SMG9: variants seen among roughly 807,000 people sequenced by gnomAD.
The protein encoded by SMG9 is nonsense-mediated mRNA decay factor SMG9.
Under a neutral mutation model 64.0 loss-of-function variants are expected in SMG9, and 55 were observed. That is an observed-to-expected ratio of 0.86 (90% CI 0.69 to 1.08). The LOEUF (loss-of-function observed/expected upper bound fraction) is 1.08, where lower values mean the gene tolerates loss of function less well. SMG9 is among the 50% of genes least tolerant of loss of function. The probability of loss-of-function intolerance (pLI) is 0.00; values close to 1 mark genes in which losing one functional copy is unlikely to be tolerated. For synonymous variants in SMG9, 244 were observed against 254.8 expected, an observed-to-expected ratio of 0.96 and a Z score of 0.41; for missense variants, 554 against 681.3, an observed-to-expected ratio of 0.81 and a Z score of 2.08.
At chr19:43,737,272 CAATAAATA>C (rs60683205) in intron 9 of SMG9, among the ~76,000 whole-genome samples, 12 of 149,218 alleles carry the variant, frequency 8.0e-5, no homozygotes, top group African/African-American at 2.2e-4. Flanking sequence ...GACTCCGTCT[CAATAAATA>C]AATAAATAAA....
At position 43,729,092 on chromosome 19, in the gene SMG9, C is replaced by T. The variant is rs981395085; in HGVS notation, c.*2504G>A. 14 of 954,196 alleles carry T rather than the reference C, an allele frequency of 1.5e-5. No homozygotes were observed. The highest frequency in any genetic ancestry group is 1.7e-5 in the Non-Finnish European group (14 of 801,416). The allele number at this position is 954,196 out of a possible 1,614,324, so 59.1% of individuals were successfully genotyped here. On this transcript the variant is annotated 3_prime_UTR_variant, in exon 14 of 14. Coordinates refer to ENST00000270066, the MANE Select transcript of SMG9 (RefSeq NM_019108.4). ...GGCGGGTGACCGGTACATACTTACC[C>T]ACTGTTCAGAAGGCTACTGCCAGTT...
In SMG9 at chr19:43,750,591, C is replaced by A; in HGVS notation, c.150+1G>T. On this transcript the variant is annotated splice_donor_variant, in intron 2 of 13. Transcript: ENST00000270066. LOFTEE classifies it high-confidence loss of function. ...TGCTGCTCCTGGGTCCAGACACTCA[C>A]CCTTCTCTCTCTTTCCCATGGTGCA... is the stretch of plus-strand genomic sequence containing the variant. 1.2e-6 allele frequency: 2 copies of A among 1,609,368 alleles called. No individual in the cohort carries two copies. The highest frequency in any genetic ancestry group is 1.7e-6 in the Non-Finnish European group (2 of 1,177,434).
chr19:43,753,269 C>T (rs544442396), intron 1 of SMG9, among the ~76,000 whole-genome samples: 1 of 152,166 alleles, frequency 6.6e-6, no homozygotes, highest in South Asian at 2.1e-4. Context: ...GGAGATTCTC[C>T]CCAGAATCTG....
intron 2 of SMG9, 53 bp from the exon 3 acceptor site, chr19:43,748,105 T>A: frequency 6.4e-7 from 1 of 1,555,974 alleles, no homozygotes; most frequent in Non-Finnish European, 8.7e-7. Context: ...ACATTCCAGA[T>A]CTTTATGTAC....
At chr19:43,748,136 G>T (rs933698959) in intron 2 of SMG9, 84 bp from the exon 3 acceptor site, 1 of 1,455,124 alleles carries the variant, frequency 6.9e-7, no homozygotes, top group Non-Finnish European at 9.3e-7. Context: ...TCTAAATGCC[G>T]AAATATATTA....
At chr19:43,734,577 T>G in intron 9 of SMG9, 82 bp from the exon 10 acceptor site, 1 of 872,126 alleles carries the variant, frequency 1.1e-6, no homozygotes, top group Middle Eastern at 2.2e-4. Flanking sequence ...TCCTTTGAGA[T>G]TCTGATGAAA....
Position 43,733,228 on chromosome 19 carries a change from G to A in SMG9, c.1339+96C>T, listed in dbSNP as rs1027497561. 6 of 1,521,834 alleles carry A rather than the reference G, an allele frequency of 3.9e-6. No homozygotes were observed. The African/African-American group carries it at 6.9e-5, about 18-fold the overall frequency. 94.3% of individuals were successfully genotyped at this position (1,521,834 alleles called of 1,614,324 possible). A position where few individuals can be genotyped will look rare whatever the true frequency, so the allele number is the denominator to read the frequency against. On this transcript the variant is annotated intron_variant, in intron 12 of 13. Transcript: ENST00000270066. ...AGGCTCCACACTGCTCCCAAACCAG[G>A]GCAACCCATGTCGCCTCCTAGACCA... is the stretch of plus-strand genomic sequence containing the variant.
chr19:43,737,252 G>A lies in SMG9; in HGVS notation c.995+345C>T, dbSNP rs369665838. Among the ~76,000 whole-genome samples, 1,316 of 151,552 alleles carry A rather than the reference G, an allele frequency of 8.7e-3. 19 individuals carry two copies. The highest frequency in any genetic ancestry group is 0.078 in the South Asian group (374 of 4,790). ...TGTACCACTGCACTCCAGCCTGGGC[G>A]ACAGAGCGAGACTCCGTCTCAATAA... On this transcript the variant is annotated intron_variant, in intron 9 of 13. Coordinates refer to ENST00000270066, the MANE Select transcript of SMG9 (RefSeq NM_019108.4).
At chr19:43,745,571 A>G (rs944378576) in intron 5 of SMG9, among the ~76,000 whole-genome samples, 40 of 152,176 alleles carry the variant, frequency 2.6e-4, no homozygotes, top group Admixed American at 3.3e-4. Context: ...TGTTTTTTAA[A>G]AGCGAATCCT....
chr19:43,740,678 T>TA (rs1365954982), intron 6 of SMG9, among the ~76,000 whole-genome samples: 1 of 152,198 alleles, frequency 6.6e-6, no homozygotes, highest in Non-Finnish European at 1.5e-5. Context: ...TATATACTTT[T>TA]AGCTGTTAAT....
At chr19:43,736,709 T>C (rs1600194685) in intron 9 of SMG9, among the ~76,000 whole-genome samples, 2 of 152,156 alleles carry the variant, frequency 1.3e-5, no homozygotes, top group South Asian at 2.1e-4. Context: ...CTTGCCCTCC[T>C]AGGGCTTACA....
intron 2 of SMG9, 58 bp downstream of exon 2, chr19:43,750,534 G>T: frequency 6.5e-7 from 1 of 1,547,302 alleles, no homozygotes; most frequent in South Asian, 1.2e-5. Flanking sequence ...CCTGGCACAT[G>T]GCAGGTGCGT....
intron 9 of SMG9, among the ~76,000 whole-genome samples, chr19:43,736,697 AC>A (rs1477789451): frequency 6.6e-6 from 1 of 152,202 alleles, no homozygotes; most frequent in Admixed American, 6.5e-5. Context: ...GGTGCTGGGG[AC>A]CTTGCCCTCC....
Position 43,747,644 on chromosome 19 carries a change from G to T in SMG9, c.479C>A (p.Ala160Glu). The T allele has an allele frequency of 6.2e-7, 1 of 1,613,790 alleles. No homozygotes were observed. The highest frequency in any genetic ancestry group is 1.7e-5 in the Admixed American group (1 of 59,986). Reference sequence around the variant, plus strand: ...CAGCCCCAACTCACGGTCCATGGCTGCTGGTGCGGCAGTGCCCATGCCCCG... The same window carrying T: ...CAGCCCCAACTCACGGTCCATGGCTTCTGGTGCGGCAGTGCCCATGCCCCG... ...QNRGMGTAAP[A>E]AMDPVVGQAK... Residue 160 changes from alanine to glutamate, a missense_variant, in exon 4 of 14, where the codon GCA (alanine) becomes GAA (glutamate). Physicochemically the swap from Ala to Glu is moderately radical, Grantham distance 107. Transcript: ENST00000270066.
intron 8 of SMG9, 111 bp downstream of exon 8, chr19:43,738,011 C>T: frequency 9.6e-7 from 1 of 1,040,504 alleles, no homozygotes; most frequent in Non-Finnish European, 1.5e-6. Context: ...GCAGCCAGGG[C>T]TCTTCTGAAG....
intron 5 of SMG9, among the ~76,000 whole-genome samples, chr19:43,746,819 CTTT>C (rs11326289): frequency 2.5e-4 from 34 of 134,192 alleles, no homozygotes; most frequent in Admixed American, 9.8e-4. Context: ...GCTTCTTGTT[CTTT>C]TTTTTTTTTT....
intron 6 of SMG9, among the ~76,000 whole-genome samples, chr19:43,740,630 T>C (rs1354769429): frequency 2.0e-5 from 3 of 152,160 alleles, no homozygotes; most frequent in Admixed American, 2.0e-4. Flanking sequence ...GAGGTCGGTA[T>C]GTGTAAAGCC....
At chr19:43,749,400 C>G (rs558109312) in intron 2 of SMG9, among the ~76,000 whole-genome samples, 6 of 152,226 alleles carry the variant, frequency 3.9e-5, no homozygotes, top group African/African-American at 1.4e-4. Flanking sequence ...CAAGAGGCTG[C>G]CAGGGCTCAG....
At chr19:43,736,229 A>C (rs1035169494) in intron 9 of SMG9, among the ~76,000 whole-genome samples, 4 of 151,290 alleles carry the variant, frequency 2.6e-5, no homozygotes, top group Admixed American at 6.6e-5. Flanking sequence ...TAACTCACTG[A>C]ATCTACACAA....
Sources: allele counts gnomAD v4.1 joint callset (sites outside exome capture counted in the v4.1 genomes callset), GRCh38; gene constraint gnomAD v4.1.1; transcripts MANE v1.5; gene names NCBI Gene and HGNC (gene_info 2026-07-23, HGNC 2026-07-21).